BTBD3: variants seen among roughly 807,000 people sequenced by gnomAD.
BTBD3 encodes the protein BTB domain containing 3.
Under a neutral mutation model 41.6 loss-of-function variants are expected in BTBD3, and 14 were observed. The observed-to-expected ratio is 0.34, with a 90% CI of 0.22 to 0.53. The LOEUF (loss-of-function observed/expected upper bound fraction) is 0.53. Ranked by LOEUF, BTBD3 falls within the 20% of genes least tolerant of loss-of-function variation. BTBD3 has a pLI of 0.95. For missense variants in BTBD3, 426 were observed against 654.7 expected (o/e 0.65, Z 3.81); for synonymous variants, 249 against 233.7 (o/e 1.07, Z -0.60).
At chr20:11,893,316 A>G (rs2056767518) in intron 1 of BTBD3, among the ~76,000 whole-genome samples, 1 of 152,142 alleles carries the variant, frequency 6.6e-6, no homozygotes, top group African/African-American at 2.4e-5. Flanking sequence ...TCTTACTAAA[A>G]TCTATTTTAT....
chr20:11,919,514 A>C (rs1316801971), intron 2 of BTBD3: 1 of 1,204,266 alleles, frequency 8.3e-7, no homozygotes, highest in East Asian at 2.6e-5. Flanking sequence ...CATGTGCATT[A>C]ATCTCTTAAA....
intron 1 of BTBD3, among the ~76,000 whole-genome samples, chr20:11,894,469 TTTTAA>T (rs148671724): frequency 3.3e-4 from 51 of 152,318 alleles, no homozygotes; most frequent in Middle Eastern, 3.4e-3. Context: ...AAATATGATC[TTTTAA>T]TTTATTTTTT....
At chr20:11,891,324 C>T (rs1177843244) in intron 1 of BTBD3, 10 of 151,738 alleles carry the variant, frequency 6.6e-5, no homozygotes, top group Admixed American at 6.6e-4. Context: ...GGTGCGCGAC[C>T]CCGGAGGTGG....
intron 1 of BTBD3, among the ~76,000 whole-genome samples, chr20:11,911,275 T>C (rs1350826732): frequency 6.6e-6 from 1 of 152,216 alleles, no homozygotes; most frequent in East Asian, 1.9e-4. Flanking sequence ...ATATGGCACT[T>C]ACATATGTAC....
Position 11,926,330 on chromosome 20 carries a change from A to G in BTBD3, c.*2664A>G, listed in dbSNP as rs1465352942. The G allele has an allele frequency of 6.6e-6, 1 of 152,658 alleles. No homozygotes were observed. The highest frequency in any genetic ancestry group is 1.5e-5 in the Non-Finnish European group (1 of 68,042). The allele number at this position is 152,658 out of a possible 1,614,324, so 9.5% of individuals were successfully genotyped here. A position where few individuals can be genotyped will look rare whatever the true frequency, so the allele number is the denominator to read the frequency against. On this transcript the variant is annotated 3_prime_UTR_variant, in exon 4 of 4. Transcript: ENST00000378226. ...AAAATAGTATTTAAGTAAATGGTCT[A>G]ATTTCTACATAATTATTGCACTGAA...
rs964817020 is a variant in BTBD3 at position 11,925,317 on chromosome 20, A to G, written c.*1651A>G. 6.5e-6 allele frequency: 1 copy of G among 152,704 alleles called. No individual in the cohort carries two copies. The highest frequency in any genetic ancestry group is 2.4e-5 in the African/African-American group (1 of 41,466). 9.5% of individuals were successfully genotyped at this position (152,704 alleles called of 1,614,324 possible). ...AATGGTCCTCCTGCTGGCCCCAGCA[A>G]GGCCCATGAGTGACTGCCCTGACGT... On this transcript the variant is annotated 3_prime_UTR_variant, in exon 4 of 4. Coordinates refer to ENST00000378226, the MANE Select transcript of BTBD3 (RefSeq NM_014962.4).
intron 2 of BTBD3, 177 bp downstream of exon 2, chr20:11,919,353 T>C (rs2056945211): frequency 1.4e-6 from 2 of 1,412,584 alleles, no homozygotes; most frequent in Non-Finnish European, 1.8e-6. Context: ...TTTTCTTTGT[T>C]TCCTTCTATA....
At chr20:11,909,159 A>C (rs185563290) in intron 1 of BTBD3, among the ~76,000 whole-genome samples, 179 of 151,500 alleles carry the variant, frequency 1.2e-3, no homozygotes, top group African/African-American at 4.0e-3. Flanking sequence ...CTGTAATCTC[A>C]GGTATTTGGG....
At chr20:11,903,291 T>G (rs1007489501) in intron 1 of BTBD3, among the ~76,000 whole-genome samples, 2 of 152,152 alleles carry the variant, frequency 1.3e-5, no homozygotes, top group Non-Finnish European at 2.9e-5. Context: ...GTTAACAAAT[T>G]ATCTTAAACA....
rs1287160694 is a variant in BTBD3 at position 11,924,707 on chromosome 20, A to G, written c.*1041A>G. Reference sequence around the variant, plus strand: ...TTAATGTAATGAGATACCTTTGTTCATTTTTTTAAATTTGAAATATACTTT... The same window carrying G: ...TTAATGTAATGAGATACCTTTGTTCGTTTTTTTAAATTTGAAATATACTTT... On this transcript the variant is annotated 3_prime_UTR_variant, in exon 4 of 4. Transcript: ENST00000378226. The G allele has an allele frequency of 1.3e-5, 2 of 152,570 alleles. No individual in the cohort carries two copies. Among genetic ancestry groups the G allele is most frequent in the African/African-American group, 2.4e-5 (1 of 41,432 alleles). 9.5% of individuals were successfully genotyped at this position (152,570 alleles called of 1,614,324 possible). A position where few individuals can be genotyped will look rare whatever the true frequency, so the allele number is the denominator to read the frequency against.
intron 1 of BTBD3, among the ~76,000 whole-genome samples, chr20:11,899,919 G>T (rs768522249): frequency 6.6e-6 from 1 of 152,218 alleles, no homozygotes; most frequent in Non-Finnish European, 1.5e-5. Context: ...TGTGTGTTTA[G>T]AAATGGATAA....
At chr20:11,891,845 T>G (rs1021940011) in intron 1 of BTBD3, among the ~76,000 whole-genome samples, 2 of 152,116 alleles carry the variant, frequency 1.3e-5, no homozygotes, top group Admixed American at 1.3e-4. Context: ...TTTTCTTTTT[T>G]AAATATTCCC....
Position 11,925,586 on chromosome 20 carries a change from C to G in BTBD3, c.*1920C>G, listed in dbSNP as rs535726674. ...GGAGATTACAGGTAGTTTGGCAAAG[C>G]ATTGAAGTACAAAGGTACATTTTCA... On this transcript the variant is annotated 3_prime_UTR_variant, in exon 4 of 4. Coordinates refer to ENST00000378226, the MANE Select transcript of BTBD3 (RefSeq NM_014962.4). 6.5e-6 allele frequency: 1 copy of G among 152,722 alleles called. No homozygotes were observed. Among genetic ancestry groups the G allele is most frequent in the African/African-American group, 2.4e-5 (1 of 41,562 alleles). The allele number at this position is 152,722 out of a possible 1,614,324, so 9.5% of individuals were successfully genotyped here.
chr20:11,896,554 ATTG>A (rs1288855258), intron 1 of BTBD3, among the ~76,000 whole-genome samples: 1 of 152,118 alleles, frequency 6.6e-6, no homozygotes, highest in Non-Finnish European at 1.5e-5. Context: ...ACACACTTTT[ATTG>A]TTCTTTATTT....
chr20:11,891,572 G>C (rs1427766918), intron 1 of BTBD3: 1 of 152,300 alleles, frequency 6.6e-6, no homozygotes, highest in Non-Finnish European at 1.5e-5. Context: ...TTCCTCCTGA[G>C]GCTGGACTAG....
Position 11,923,512 on chromosome 20 carries a change from T to C in BTBD3, c.1415T>C (p.Ile472Thr). The C allele has an allele frequency of 6.2e-7, 1 of 1,614,206 alleles. No homozygotes were observed. Among genetic ancestry groups the C allele is most frequent in the East Asian group, 2.2e-5 (1 of 44,876 alleles). ...EPDTFYTASV[I>T]LDGNELSYFG... ...GACACCTTCTACACAGCCAGTGTGA[T>C]ACTGGATGGCAATGAACTCAGCTAC... Residue 472 changes from isoleucine (I) to threonine (T), a missense_variant, in exon 4 of 4, where the codon ATA becomes ACA. Transcript: ENST00000378226. This position sits in a 1 kb window ranked among gnomAD's most constrained non-coding sequence, Gnocchi z 5.3.
chr20:11,900,549 TACTCTA>T (rs916879123), intron 1 of BTBD3, among the ~76,000 whole-genome samples: 2 of 152,124 alleles, frequency 1.3e-5, no homozygotes, highest in Admixed American at 6.6e-5. Flanking sequence ...CCAGCAAACA[TACTCTA>T]TAGTGAGGGA....
Position 11,918,543 on chromosome 20 carries a change from A to T in BTBD3, c.268A>T (p.Asn90Tyr), listed in dbSNP as rs2056938033. The T allele has an allele frequency of 6.2e-7, 1 of 1,613,890 alleles. No homozygotes were observed. The highest frequency in any genetic ancestry group is 1.3e-5 in the African/African-American group (1 of 74,912). The change falls in exon 1 of 4, where the codon AAC becomes TAC. Residue 90 changes from asparagine to tyrosine, a missense_variant. Coordinates refer to ENST00000378226, the MANE Select transcript of BTBD3 (RefSeq NM_014962.4). ...VQQYHQQNLS[N>Y]NNLIPAPNWQ... ...GCAGTACCACCAGCAGAATCTCAGT[A>T]ACAACAACCTTATCCCGGCCCCAAA... is the stretch of plus-strand genomic sequence containing the variant.
chr20:11,925,887 T>A lies in BTBD3; in HGVS notation c.*2221T>A, dbSNP rs1481914942. The A allele has an allele frequency of 6.6e-6, 1 of 152,574 alleles. No homozygotes were observed. The highest frequency in any genetic ancestry group is 1.9e-4 in the East Asian group (1 of 5,192). The allele number at this position is 152,574 out of a possible 1,614,324, so 9.5% of individuals were successfully genotyped here. A position where few individuals can be genotyped will look rare whatever the true frequency, so the allele number is the denominator to read the frequency against. ...TGCTGGTGAAAGTCGTGTGAAATCC[T>A]GTACACTGTGTATAGAATAATGTAA... On this transcript the variant is annotated 3_prime_UTR_variant, in exon 4 of 4. Transcript: ENST00000378226.
Sources: gnomAD v4.1 joint callset for allele counts (sites outside exome capture counted in the v4.1 genomes callset) on GRCh38, gnomAD v4.1.1 for gene constraint, Gnocchi (gnomAD v3.1) non-coding constraint, MANE v1.5 for transcripts, NCBI Gene and HGNC (gene_info 2026-07-23, HGNC 2026-07-21) for gene names.